SHLD2: variants seen among roughly 807,000 people sequenced by gnomAD.
SHLD2 encodes shieldin complex subunit 2.
In SHLD2, 30 loss-of-function variants were observed where a neutral mutation model predicts 73.2. The observed-to-expected ratio is 0.41, with a 90% CI of 0.31 to 0.56. SHLD2 has a LOEUF of 0.56. Ranked by LOEUF, SHLD2 falls within the 20% of genes least tolerant of loss-of-function variation. SHLD2 has a pLI of 0.28. For synonymous variants in SHLD2, 285 were observed against 370.1 expected (o/e 0.77, Z 2.64); for missense variants, 745 against 1,055.9 (o/e 0.71, Z 4.08).
chr10:87,126,433 C>G (rs892713008), intron 2 of SHLD2, among the ~76,000 whole-genome samples: 8 of 151,976 alleles, frequency 5.3e-5, no homozygotes, highest in African/African-American at 1.9e-4. Context: ...GTCTTAATGA[C>G]TTTTTTGATT....
In SHLD2 at chr10:87,103,208, C is replaced by CA. The variant is rs915499089; in HGVS notation, c.-6+6229dup. 9.4e-4 allele frequency among the ~76,000 whole-genome samples: 141 copies of CA among 149,278 alleles called. 1 individual carries two copies. The highest frequency in any genetic ancestry group is 3.0e-3 in the African/African-American group (121 of 40,702). On this transcript the variant is annotated intron_variant, in intron 2 of 9. Coordinates refer to ENST00000298786, the MANE Select transcript of SHLD2 (RefSeq NM_001330112.2). ...CTGGCAACAGAGTGAGATTCCGTCT[C>CA]AAAAAAAAAATTTTTTTTAATAAAT...
intron 4 of SHLD2, among the ~76,000 whole-genome samples, chr10:87,159,343 C>T (rs527793676): frequency 7.2e-5 from 11 of 152,284 alleles, no homozygotes; most frequent in Non-Finnish European, 1.6e-4. Context: ...AAATAGAGTT[C>T]TTCATCTATC....
intron 8 of SHLD2, among the ~76,000 whole-genome samples, chr10:87,180,878 G>A (rs1047732069): frequency 2.0e-5 from 3 of 152,078 alleles, no homozygotes; most frequent in Non-Finnish European, 4.4e-5. Flanking sequence ...AGTGTTTTAT[G>A]CTCCTTATGA....
intron 3 of SHLD2, among the ~76,000 whole-genome samples, chr10:87,155,608 G>C (rs966148814): frequency 6.6e-6 from 1 of 151,512 alleles, no homozygotes; most frequent in Non-Finnish European, 1.5e-5. Context: ...AAGTTTCCCA[G>C]ACTGTAAAAG....
chr10:87,167,667 C>T (rs1270132500), intron 4 of SHLD2, among the ~76,000 whole-genome samples: 1 of 152,130 alleles, frequency 6.6e-6, no homozygotes, highest in Non-Finnish European at 1.5e-5. Flanking sequence ...TTTTTAGAGA[C>T]AGGATCTCAC....
At chr10:87,109,660 CTT>C (rs1842805669) in intron 2 of SHLD2, among the ~76,000 whole-genome samples, 2 of 152,194 alleles carry the variant, frequency 1.3e-5, no homozygotes, top group South Asian at 4.1e-4. Context: ...TACATCCACT[CTT>C]TCTTTTAACT....
At chr10:87,140,187 A>G (rs3129344) in intron 2 of SHLD2, among the ~76,000 whole-genome samples, 48,343 of 151,762 alleles carry the variant, frequency 0.32, 8,451 homozygotes, top group East Asian at 0.74. Context: ...GGGGGCCGAG[A>G]GGGGTGCAGA....
intron 2 of SHLD2, among the ~76,000 whole-genome samples, chr10:87,101,139 C>G (rs905125630): frequency 1.3e-5 from 2 of 152,084 alleles, no homozygotes; most frequent in African/African-American, 4.8e-5. Flanking sequence ...ATGGTAACTC[C>G]CGAAATTCTG....
rs986186648 is a variant in SHLD2 at position 87,170,991 on chromosome 10, G to A, written c.1963+17G>A. On this transcript the variant is annotated intron_variant, in intron 6 of 9. Transcript: ENST00000298786. ...GGAAAAAAGGTAAATACACCAAAAA[G>A]CATTTAACCTATTTATATTTCGGTA... 13 of 1,220,352 alleles carry A rather than the reference G, an allele frequency of 1.1e-5. No homozygotes were observed. The Admixed American group carries it at 2.0e-4, about 19-fold the overall frequency. 75.6% of individuals were successfully genotyped at this position (1,220,352 alleles called of 1,614,324 possible). A position where few individuals can be genotyped will look rare whatever the true frequency, so the allele number is the denominator to read the frequency against.
In SHLD2 at chr10:87,188,076, CACAAGCTTTTGTTGGTTGT is replaced by C. The variant is rs1438646813; in HGVS notation, c.2515+877_2515+895del. Among the ~76,000 whole-genome samples the C allele has an allele frequency of 2.0e-5, 3 of 152,342 alleles. No homozygotes were observed. In the East Asian group the frequency reaches 5.8e-4, roughly 29 times the overall value. ...CACGTTCTTGCACCTCCCCAAGTTGCACAAGCTTTTGTTGGTTGTTATTTGGTGCATCCTAACCTGGTGG... is the reference window on the plus strand; with the variant it reads ...CACGTTCTTGCACCTCCCCAAGTTGCTATTTGGTGCATCCTAACCTGGTGG... On this transcript the variant is annotated intron_variant, in intron 9 of 9. Transcript: ENST00000298786.
At chr10:87,118,315 G>A (rs1459266380) in intron 2 of SHLD2, among the ~76,000 whole-genome samples, 14 of 152,164 alleles carry the variant, frequency 9.2e-5, no homozygotes, top group Non-Finnish European at 1.8e-4. Context: ...TCCACGGCAT[G>A]GACCCTGGGA....
At chr10:87,175,073 C>A (rs561716147) in intron 6 of SHLD2, among the ~76,000 whole-genome samples, 2 of 146,482 alleles carry the variant, frequency 1.4e-5, no homozygotes, top group South Asian at 2.2e-4. Context: ...GCCGAGATTG[C>A]GCCACTGCGC....
chr10:87,149,716 C>T (rs1181572212), intron 2 of SHLD2, among the ~76,000 whole-genome samples: 1 of 150,950 alleles, frequency 6.6e-6, no homozygotes, highest in Admixed American at 6.6e-5. Context: ...AAGAGCAAAA[C>T]TCTGTCTCTA....
At chr10:87,111,583 G>A (rs1842923313) in intron 2 of SHLD2, among the ~76,000 whole-genome samples, 1 of 149,794 alleles carries the variant, frequency 6.7e-6, no homozygotes, top group South Asian at 2.1e-4. Flanking sequence ...GGAGGTTGCA[G>A]TGAGCTGAGA....
intron 2 of SHLD2, among the ~76,000 whole-genome samples, chr10:87,148,798 A>C (rs921969870): frequency 2.2e-4 from 33 of 152,250 alleles, no homozygotes; most frequent in African/African-American, 7.7e-4. Context: ...ATTGGAGAAG[A>C]AAGCCAAAGA....
intron 2 of SHLD2, among the ~76,000 whole-genome samples, chr10:87,102,333 T>A (rs1033908384): frequency 6.6e-6 from 1 of 152,178 alleles, no homozygotes; most frequent in Non-Finnish European, 1.5e-5. Flanking sequence ...TCTTTTTTTT[T>A]ACTCCTGGAC....
chr10:87,176,971 C>G (rs2134657375), intron 7 of SHLD2, among the ~76,000 whole-genome samples: 1 of 151,794 alleles, frequency 6.6e-6, no homozygotes, highest in Non-Finnish European at 1.5e-5. Flanking sequence ...AGCTTTTATA[C>G]TATAAAAATT....
chr10:87,185,129 A>G lies in SHLD2; in HGVS notation c.2400-1956A>G, dbSNP rs1463375343. On this transcript the variant is annotated intron_variant, in intron 8 of 9. Coordinates refer to ENST00000298786, the MANE Select transcript of SHLD2 (RefSeq NM_001330112.2). ...AACTACGAATCTGCTTTCGGTCTCT[A>G]TAGATTTGCCTGTTCTAGATATTTT... 9.9e-5 allele frequency among the ~76,000 whole-genome samples: 15 copies of G among 152,200 alleles called. No individual in the cohort carries two copies. In the East Asian group the frequency reaches 1.5e-3, roughly 16 times the overall value.
rs1849022939 is a variant in SHLD2, at chr10:87,190,821, A to C, written c.*138A>C. The C allele has an allele frequency of 1.5e-6, 1 of 683,594 alleles. No homozygotes were observed. The highest frequency in any genetic ancestry group is 2.4e-6 in the Non-Finnish European group (1 of 411,590). 42.3% of individuals were successfully genotyped at this position (683,594 alleles called of 1,614,324 possible). A position where few individuals can be genotyped will look rare whatever the true frequency, so the allele number is the denominator to read the frequency against. ...ACAAAGAGAATTGCACTAGATATAT[A>C]AATTAAAACTTTTTTCTAAGAAAAT... On this transcript the variant is annotated 3_prime_UTR_variant, in exon 10 of 10. Transcript: ENST00000298786.
Sources: gnomAD v4.1 joint callset for allele counts (sites outside exome capture counted in the v4.1 genomes callset) on GRCh38, gnomAD v4.1.1 for gene constraint, MANE v1.5 for transcripts, NCBI Gene and HGNC (gene_info 2026-07-23, HGNC 2026-07-21) for gene names.